The following ENO3 variants were observed in gnomAD, a reference collection of about 807,000 sequenced individuals.
The protein encoded by ENO3 is beta-enolase.
Under a neutral mutation model 47.7 loss-of-function variants are expected in ENO3, and 46 were observed. The observed-to-expected ratio is 0.96, with a 90% CI of 0.76 to 1.23. The LOEUF (loss-of-function observed/expected upper bound fraction) is 1.23. Among genes scored for constraint, ENO3 ranks in the 50% most tolerant of loss-of-function variants. ENO3 has a pLI of 0.00. For synonymous variants in ENO3, 223 were observed against 225.9 expected (o/e 0.99, Z 0.11); for missense variants, 575 against 566.2 (o/e 1.02, Z -0.16).
Position 4,955,930 on chromosome 17 carries a change from A to C in ENO3, c.866-12A>C. 1 of 1,609,182 alleles carries C rather than the reference A, an allele frequency of 6.2e-7. No homozygotes were observed. The highest frequency in any genetic ancestry group is 8.5e-7 in the Non-Finnish European group (1 of 1,179,204). On this transcript the variant is annotated splice_polypyrimidine_tract_variant and intron_variant, in intron 8 of 11. Transcript: ENST00000519602. ...TCTGTCTCTGCCCTGTCTCTGCTCCAAACCCCACCAGTGGTCTCCATCGAA... is the reference window on the plus strand; with the variant it reads ...TCTGTCTCTGCCCTGTCTCTGCTCCCAACCCCACCAGTGGTCTCCATCGAA...
At chr17:4,952,026 C>T (rs746700007) in intron 2 of ENO3, 112 bp downstream of exon 2, 1 of 1,209,826 alleles carries the variant, frequency 8.3e-7, no homozygotes, top group East Asian at 2.5e-5. Context: ...CTTTCCCAGA[C>T]TTCTTCCCAA....
chr17:4,948,804 G>A (rs1424764558), upstream of ENO3: 1 of 180,980 alleles, frequency 5.5e-6, no homozygotes, highest in Non-Finnish European at 1.2e-5. Flanking sequence ...ATATAAACCA[G>A]ACTTTGGTAT....
Position 4,955,290 on chromosome 17 carries a change from CAAT to C in ENO3, c.661_663del (p.Asn221del), listed in dbSNP as rs756167067. The C allele has an allele frequency of 3.2e-5, 52 of 1,614,268 alleles. No individual in the cohort carries two copies. The South Asian group carries it at 5.5e-4, about 17-fold the overall frequency. On this transcript the variant is annotated inframe_deletion, in exon 7 of 12. Transcript: ENST00000519602. ...GCTTCGCACCCAACATCCTGGAGAA[CAAT>C]GAGGGTCAGTGCTGAGCACCCTGGG...
At chr17:4,950,108 A>T (rs1041893428), upstream of ENO3, 1 of 151,636 alleles carries the variant, frequency 6.6e-6, no homozygotes, top group African/African-American at 2.4e-5. Context: ...GGCGGGGGTG[A>T]GTCACCGGGC....
intron 6 of ENO3, among the ~76,000 whole-genome samples, 172 bp from the exon 7 acceptor site, chr17:4,954,895 CAAAAAAAA>C (rs375176343): frequency 1.5e-3 from 95 of 64,690 alleles, no homozygotes; most frequent in Non-Finnish European, 2.5e-3. Context: ...GACTCCGTCT[CAAAAAAAA>C]AAAAAAAAAA....
At chr17:4,953,226 T>C in intron 4 of ENO3, 46 bp from the exon 5 acceptor site, 2 of 1,613,472 alleles carry the variant, frequency 1.2e-6, no homozygotes, top group South Asian at 1.1e-5. Flanking sequence ...CCCTGACTTC[T>C]GAGAAATCTG....
upstream of ENO3, chr17:4,948,742 G>A (rs1383137868): frequency 1.7e-5 from 5 of 287,686 alleles, no homozygotes; most frequent in East Asian, 4.2e-4. Flanking sequence ...GCAGAAGGAT[G>A]GGGGGTGGCG....
At position 4,955,616 on chromosome 17, in the gene ENO3, G is replaced by A. The variant is rs191645770; in HGVS notation, c.865+12G>A. 2.1e-5 allele frequency: 34 copies of A among 1,614,164 alleles called. No homozygotes were observed. Among genetic ancestry groups the A allele is most frequent in the African/African-American group, 5.3e-5 (4 of 75,042 alleles). Reference sequence around the variant, plus strand: ...CAAGAACTATCCTGGTGAGGCGTTCGGGTGTCCCAGTGTTCCTGCCCGAAT... The same window carrying A: ...CAAGAACTATCCTGGTGAGGCGTTCAGGTGTCCCAGTGTTCCTGCCCGAAT... On this transcript the variant is annotated intron_variant, in intron 8 of 11. Transcript: ENST00000519602.
chr17:4,951,694 T>C, intron 1 of ENO3, 134 bp from the exon 2 acceptor site: 1 of 961,236 alleles, frequency 1.0e-6, no homozygotes, highest in Non-Finnish European at 1.7e-6. Context: ...CTCTTTGGTC[T>C]GTGACCTTTT....
At chr17:4,948,766 G>A (rs2238534), upstream of ENO3, 55 of 257,142 alleles carry the variant, frequency 2.1e-4, 1 homozygote, top group East Asian at 3.1e-3. Flanking sequence ...GAGAGGTGAA[G>A]GGTAGGGTTT....
upstream of ENO3, chr17:4,950,623 C>T (rs1042340306): frequency 1.0e-6 from 1 of 985,546 alleles, no homozygotes; most frequent in Non-Finnish European, 1.2e-6. Flanking sequence ...TTATGAGGAC[C>T]CTAAGAGGTG....
rs368397595 is a variant in ENO3 at position 4,955,402 on chromosome 17, C to T, written c.668-5C>T. 1 of 1,614,108 alleles carries T rather than the reference C, an allele frequency of 6.2e-7. No individual in the cohort carries two copies. The highest frequency in any genetic ancestry group is 1.3e-5 in the African/African-American group (1 of 74,934). ...GTCTCAGGTCCTTTCTTGGTCCTCC[C>T]CCAGCCCTGGAGCTGCTGAAGACGG... On this transcript the variant is annotated splice_polypyrimidine_tract_variant and splice_region_variant and intron_variant, in intron 7 of 11. Coordinates refer to ENST00000519602, the MANE Select transcript of ENO3 (RefSeq NM_053013.4).
rs1407111656 is a variant in ENO3, at chr17:4,952,891, G to A, written c.181+1G>A. The A allele has an allele frequency of 3.1e-6, 5 of 1,612,290 alleles. No homozygotes were observed. Among genetic ancestry groups the A allele is most frequent in the African/African-American group, 2.7e-5 (2 of 75,020 alleles). ...GACAAAGGCCGCTACCTGGGGAAAG[G>A]TGAGGAGACACCAGCGCAGAAGGAG... is the stretch of plus-strand genomic sequence containing the variant. On this transcript the variant is annotated splice_donor_variant, in intron 3 of 11. Coordinates refer to ENST00000519602, the MANE Select transcript of ENO3 (RefSeq NM_053013.4). LOFTEE classifies it high-confidence loss of function.
chr17:4,953,181 C>T, intron 4 of ENO3, 72 bp downstream of exon 4: 1 of 1,613,030 alleles, frequency 6.2e-7, no homozygotes, highest in South Asian at 1.1e-5. Context: ...CAGGCCTCTC[C>T]CGAAACATTT....
intron 2 of ENO3, 75 bp downstream of exon 2, chr17:4,951,989 C>T (rs767621223): frequency 6.7e-7 from 1 of 1,488,774 alleles, no homozygotes; most frequent in South Asian, 1.1e-5. Context: ...AGTTCTGTGC[C>T]ATATCCTCTC....
rs372914640 is a variant in ENO3, at chr17:4,955,103, A to G, written c.473A>G (p.His158Arg). ...PAFNVINGGSHAGNKLAMQEF... is the reference protein window; with the variant it reads ...PAFNVINGGSRAGNKLAMQEF... ...TTCAATGTGATCAACGGGGGCTCCC[A>G]TGCTGGAAACAAGCTGGCCATGCAG... is the stretch of plus-strand genomic sequence containing the variant. Residue 158 changes from histidine (H) to arginine (R), a missense_variant, in exon 7 of 12, where the codon CAT (histidine) becomes CGT (arginine). His to Arg is a conservative substitution (Grantham distance 29). Transcript: ENST00000519602. The G allele has an allele frequency of 1.9e-6, 3 of 1,603,950 alleles. No homozygotes were observed. Among genetic ancestry groups the G allele is most frequent in the Non-Finnish European group, 2.6e-6 (3 of 1,173,684 alleles).
rs538842297 is a variant in ENO3 at position 4,954,020 on chromosome 17, C to G, written c.444+175C>G. 26 of 993,788 alleles carry G rather than the reference C, an allele frequency of 2.6e-5. No individual in the cohort carries two copies. The African/African-American group carries it at 3.7e-4, about 14-fold the overall frequency. 61.6% of individuals were successfully genotyped at this position (993,788 alleles called of 1,614,324 possible). ...CCTCCCTCTCTTCCACAATCCAAAC[C>G]TTCCCTGAAGGCTCTATGTGCTTCC... On this transcript the variant is annotated intron_variant, in intron 6 of 11. Coordinates refer to ENST00000519602, the MANE Select transcript of ENO3 (RefSeq NM_053013.4).
At chr17:4,956,423 T>A in intron 9 of ENO3, 150 bp from the exon 10 acceptor site, 1 of 834,152 alleles carries the variant, frequency 1.2e-6, no homozygotes, top group Non-Finnish European at 2.0e-6. Flanking sequence ...TCAAGATAAG[T>A]CTTTTCCTCT....
rs1222602762 is a variant in ENO3, at chr17:4,956,573, G to A, written c.1068G>A (p.Ala356=). The stretch of plus-strand genomic sequence containing the variant: ...CACATCAAATGTCCTCTCCACTCAG[G>A]TGCAAACTGGCTCAGTCTAATGGCT... ...QIGSVTESIQ[A]CKLAQSNGWG... Residue 356 remains alanine, a splice_region_variant and synonymous_variant, in exon 10 of 12, where the codon GCG becomes GCA. Coordinates refer to ENST00000519602, the MANE Select transcript of ENO3 (RefSeq NM_053013.4). 6.2e-7 allele frequency: 1 copy of A among 1,614,104 alleles called. No homozygotes were observed. The highest frequency in any genetic ancestry group is 1.3e-5 in the African/African-American group (1 of 75,028).
Sources: gnomAD v4.1 joint callset for allele counts (sites outside exome capture counted in the v4.1 genomes callset) on GRCh38, gnomAD v4.1.1 for gene constraint, MANE v1.5 for transcripts, NCBI Gene and HGNC (gene_info 2026-07-23, HGNC 2026-07-21) for gene names.